The following EIF2AK4 variants were observed in gnomAD, a reference collection of about 807,000 sequenced individuals.
EIF2AK4 encodes eukaryotic translation initiation factor 2 alpha kinase 4, also known as eIF-2-alpha kinase GCN2.
In EIF2AK4, 139 loss-of-function variants were observed where a neutral mutation model predicts 211.1. The ratio of observed to expected loss-of-function variants is 0.66; its 90% CI spans 0.57 to 0.76. The LOEUF is 0.76. EIF2AK4 is among the 30% of genes least tolerant of loss of function. EIF2AK4 has a pLI of 0.00. For missense variants in EIF2AK4, 1,664 were observed against 2,043.8 expected, an observed-to-expected ratio of 0.81 and a Z score of 3.58; for synonymous variants, 710 against 751.3, an observed-to-expected ratio of 0.94 and a Z score of 0.90.
chr15:39,959,685 G>A (rs1230034672), intron 6 of EIF2AK4, among the ~76,000 whole-genome samples: 2 of 152,212 alleles, frequency 1.3e-5, no homozygotes, highest in Non-Finnish European at 2.9e-5. Flanking sequence ...ATCTGCTGAG[G>A]AGGCCAGAGC....
At position 39,993,056 on chromosome 15, in the gene EIF2AK4, CCATCCATCCATCCATCCATT is replaced by C. The variant is rs771881242; in HGVS notation, c.2766+228_2766+247del. Among the ~76,000 whole-genome samples, 11,084 of 113,222 alleles carry C rather than the reference CCATCCATCCATCCATCCATT, an allele frequency of 0.098. 563 individuals are homozygous for C. The highest frequency in any genetic ancestry group is 0.22 in the Middle Eastern group (54 of 248). 74.3% of individuals were successfully genotyped at this position (113,222 alleles called of 152,430 possible). ...TCCATCCATCCATCCATCCATCCAT[CCATCCATCCATCCATCCATT>C]CATCCATCCATCCATCCATCCATCC... On this transcript the variant is annotated intron_variant, in intron 18 of 38. Coordinates refer to ENST00000263791, the MANE Select transcript of EIF2AK4 (RefSeq NM_001013703.4).
rs576930361 is a variant in EIF2AK4, at chr15:40,019,197, A to G, written c.4170A>G (p.Glu1390=). Residue 1390 remains glutamate, a synonymous_variant, in exon 30 of 39, where the codon GAA becomes GAG. Transcript: ENST00000263791. ...KISAAVLNME[E]SVTISSCDLL... ...CTGCTGCTGTCCTCAACATGGAGGA[A>G]TCTGTAAGTTCTGGCTTGGCTTCCC... 4.4e-6 allele frequency: 7 copies of G among 1,575,472 alleles called. No homozygotes were observed. In the East Asian group the frequency reaches 1.4e-4, roughly 31 times the overall value.
Position 40,034,464 on chromosome 15 carries a change from T to C in EIF2AK4, c.4892+20T>C, listed in dbSNP as rs969285426. 2 of 1,585,646 alleles carry C rather than the reference T, an allele frequency of 1.3e-6. No individual in the cohort carries two copies. Among genetic ancestry groups the C allele is most frequent in the Non-Finnish European group, 1.7e-6 (2 of 1,154,500 alleles). ...AAAAAAGTAAGTTATCACTTGGGCA[T>C]AGCAGGGTTCACATGGTTAAAATTC... On this transcript the variant is annotated intron_variant, in intron 38 of 38. Coordinates refer to ENST00000263791, the MANE Select transcript of EIF2AK4 (RefSeq NM_001013703.4).
intron 18 of EIF2AK4, among the ~76,000 whole-genome samples, chr15:39,994,590 C>T (rs534422144): frequency 3.3e-5 from 5 of 152,236 alleles, no homozygotes; most frequent in East Asian, 1.9e-4. Context: ...GCCTGGGCAA[C>T]GGAGCAAGAC....
intron 8 of EIF2AK4, among the ~76,000 whole-genome samples, chr15:39,966,088 A>G (rs938356877): frequency 6.6e-6 from 1 of 152,200 alleles, no homozygotes; most frequent in African/African-American, 2.4e-5. Flanking sequence ...AGCCCTTAGT[A>G]TGGCATTAAC....
At position 40,003,248 on chromosome 15, in the gene EIF2AK4, G is replaced by A; in HGVS notation, c.3291G>A (p.Glu1097=). 1 of 1,614,168 alleles carries A rather than the reference G, an allele frequency of 6.2e-7. No individual in the cohort carries two copies. The highest frequency in any genetic ancestry group is 8.5e-7 in the Non-Finnish European group (1 of 1,180,028). ...TTCCCCGAAACAGACAAATATATGA[G>A]CACAACGAAGCTGCCCTATTCATGG... ...LLLPRNRQIY[E]HNEAALFMDH... is the part of the protein sequence containing the mutation. The change falls in exon 23 of 39, where the codon GAG becomes GAA. Residue 1097 remains glutamate, a synonymous_variant. Transcript: ENST00000263791.
At chr15:39,945,568 A>G (rs371299931) in intron 3 of EIF2AK4, among the ~76,000 whole-genome samples, 56 of 152,352 alleles carry the variant, frequency 3.7e-4, no homozygotes, top group African/African-American at 1.3e-3. Context: ...GCATGTGCTC[A>G]TGAGGAAGCT....
At chr15:39,967,951 C>A in intron 9 of EIF2AK4, 72 bp downstream of exon 9, 1 of 1,471,932 alleles carries the variant, frequency 6.8e-7, no homozygotes, top group Non-Finnish European at 9.2e-7. Context: ...GTGTGCCAGA[C>A]ATCTAAGTGA....
intron 5 of EIF2AK4, among the ~76,000 whole-genome samples, chr15:39,954,385 T>C (rs1300591934): frequency 6.6e-6 from 1 of 152,182 alleles, no homozygotes; most frequent in Admixed American, 6.5e-5. Flanking sequence ...CCCGAGTATC[T>C]GGGATTACAG....
At chr15:39,996,818 A>C (rs776223336) in intron 18 of EIF2AK4, 146 bp from the exon 19 acceptor site, 2 of 583,756 alleles carry the variant, frequency 3.4e-6, no homozygotes, top group Admixed American at 3.0e-5. Flanking sequence ...CATAATTTTT[A>C]AGAACAAATC....
At chr15:40,022,158 AT>A in intron 31 of EIF2AK4, 1 of 124,504 alleles carries the variant, frequency 8.0e-6, no homozygotes. Context: ...TGTTTCCTTC[AT>A]TTTCCTCAGA....
At chr15:40,001,474 A>G (rs975818777) in intron 21 of EIF2AK4, among the ~76,000 whole-genome samples, 3 of 151,980 alleles carry the variant, frequency 2.0e-5, no homozygotes, top group Non-Finnish European at 4.4e-5. Context: ...AGCAGTGCCT[A>G]CAAAAATTAG....
intron 1 of EIF2AK4, among the ~76,000 whole-genome samples, chr15:39,939,015 G>C (rs2140895811): frequency 6.6e-6 from 1 of 152,296 alleles, no homozygotes; most frequent in South Asian, 2.1e-4. Context: ...TCAGTATTCA[G>C]ATCTCAATTC....
intron 13 of EIF2AK4, among the ~76,000 whole-genome samples, chr15:39,984,703 G>T (rs1473019171): frequency 2.6e-5 from 4 of 152,174 alleles, no homozygotes; most frequent in Non-Finnish European, 4.4e-5. Context: ...CATTGATTTT[G>T]TATCCTGAGA....
intron 29 of EIF2AK4, among the ~76,000 whole-genome samples, chr15:40,017,452 T>C (rs914696651): frequency 2.1e-5 from 3 of 141,912 alleles, no homozygotes; most frequent in Non-Finnish European, 4.5e-5. Context: ...TTTTGCAAGA[T>C]AGTTGCAAAG....
intron 37 of EIF2AK4, among the ~76,000 whole-genome samples, chr15:40,034,052 A>C (rs903611304): frequency 6.6e-6 from 1 of 151,800 alleles, no homozygotes; most frequent in Non-Finnish European, 1.5e-5. Flanking sequence ...AAAAAAGTAA[A>C]CGGTAGGCAG....
intron 2 of EIF2AK4, 44 bp downstream of exon 2, chr15:39,939,661 GT>G: frequency 6.7e-7 from 1 of 1,490,970 alleles, no homozygotes; most frequent in South Asian, 1.2e-5. Context: ...TCAGTTTTCT[GT>G]TTTGACAACA....
intron 7 of EIF2AK4, among the ~76,000 whole-genome samples, chr15:39,962,103 C>T (rs543124399): frequency 6.6e-6 from 1 of 152,174 alleles, no homozygotes; most frequent in Admixed American, 6.5e-5. Flanking sequence ...AAATAAAAAC[C>T]TGTGTTTTTG....
chr15:40,022,672 A>C (rs1036725393), intron 32 of EIF2AK4, 67 bp downstream of exon 32: 67 of 1,427,058 alleles, frequency 4.7e-5, no homozygotes, highest in Non-Finnish European at 6.6e-5. Context: ...CTGCCTTCAC[A>C]CTGAGGCCCG....
Sources: gnomAD v4.1 joint callset for allele counts (sites outside exome capture counted in the v4.1 genomes callset) on GRCh38, gnomAD v4.1.1 for gene constraint, MANE v1.5 for transcripts, NCBI Gene and HGNC (gene_info 2026-07-23, HGNC 2026-07-21) for gene names.